The following PFKFB3 variants were observed in gnomAD, a reference collection of about 807,000 sequenced individuals.
PFKFB3 encodes 6-phosphofructo-2-kinase/fructose-2,6-bisphosphatase 3.
In PFKFB3, 33 loss-of-function variants were observed where a neutral mutation model predicts 68.0. The ratio of observed to expected loss-of-function variants is 0.49; its 90% confidence interval spans 0.37 to 0.65. The LOEUF (loss-of-function observed/expected upper bound fraction) is 0.65, where lower values mean the gene tolerates loss of function less well. Ranked by LOEUF, PFKFB3 falls within the 30% of genes least tolerant of loss-of-function variation. The pLI, the probability that PFKFB3 is intolerant of heterozygous loss-of-function variation, is 0.00. For missense variants in PFKFB3, 586 were observed against 712.2 expected, an observed-to-expected ratio of 0.82 and a Z score of 2.02; for synonymous variants, 315 against 288.2, an observed-to-expected ratio of 1.09 and a Z score of -0.94.
intron 1 of PFKFB3, among the ~76,000 whole-genome samples, chr10:6,171,827 A>G (rs968500052): frequency 1.3e-5 from 2 of 152,266 alleles, no homozygotes; most frequent in Non-Finnish European, 2.9e-5. Context: ...AAGTTTGGAT[A>G]TCTCAGCTCA....
At chr10:6,177,429 CTTT>C (rs368351485) in intron 1 of PFKFB3, among the ~76,000 whole-genome samples, 332 of 51,022 alleles carry the variant, frequency 6.5e-3, no homozygotes, top group East Asian at 0.029. Flanking sequence ...TTCTTCCTTT[CTTT>C]TCTTTCTCTT....
At chr10:6,178,096 G>C (rs550735554) in intron 1 of PFKFB3, among the ~76,000 whole-genome samples, 5 of 152,342 alleles carry the variant, frequency 3.3e-5, no homozygotes, top group African/African-American at 1.2e-4. Context: ...GGCTGCAAGT[G>C]TTGGTTTGGC....
chr10:6,266,341 C>T, the PFKFB3 span, among the ~76,000 whole-genome samples: 7,383 of 152,236 alleles, frequency 0.048, 269 homozygotes, highest in African/African-American at 0.092. Context: ...CTCCTGTATC[C>T]TTCGGCATGC....
rs1564643282 is a variant in PFKFB3, at chr10:6,228,225, A to G, written c.1515+1860A>G. 2 of 1,612,638 alleles carry G rather than the reference A, an allele frequency of 1.2e-6. No homozygotes were observed. Among genetic ancestry groups the G allele is most frequent in the Non-Finnish European group, 1.7e-6 (2 of 1,179,822 alleles). The stretch of plus-strand genomic sequence containing the variant: ...TGCTAGGGCAAGCCTGTCTGTAAGT[A>G]TCTCTCCGATCATCGCTGCTGCTTG... On this transcript the variant is annotated intron_variant, in intron 14 of 14. Coordinates refer to ENST00000379775, the MANE Select transcript of PFKFB3 (RefSeq NM_004566.4). This position sits in a 1 kb window ranked among gnomAD's most constrained non-coding sequence, Gnocchi z 4.5.
the PFKFB3 span, among the ~76,000 whole-genome samples, chr10:6,324,005 T>C: frequency 6.6e-6 from 1 of 152,196 alleles, no homozygotes; most frequent in East Asian, 1.9e-4. Flanking sequence ...AAGGCACTTG[T>C]ACACCCACAT....
chr10:6,306,759 C>T, the PFKFB3 span, among the ~76,000 whole-genome samples: 3 of 152,178 alleles, frequency 2.0e-5, no homozygotes, highest in Non-Finnish European at 4.4e-5. Context: ...GTCTCAGGGA[C>T]CTGCCAAAGA....
At chr10:6,180,734 G>A (rs1271207911) in intron 1 of PFKFB3, among the ~76,000 whole-genome samples, 3 of 152,152 alleles carry the variant, frequency 2.0e-5, no homozygotes, top group African/African-American at 7.2e-5. Flanking sequence ...AAAGTGCTGA[G>A]ATTACAGGTG....
At chr10:6,318,902 T>C in the PFKFB3 span, among the ~76,000 whole-genome samples, 2 of 152,176 alleles carry the variant, frequency 1.3e-5, no homozygotes, top group Non-Finnish European at 2.9e-5. Context: ...TCCAGGCTGC[T>C]TCCATGGGTT....
intron 1 of PFKFB3, among the ~76,000 whole-genome samples, chr10:6,174,718 C>T (rs1183162041): frequency 2.6e-5 from 4 of 152,330 alleles, no homozygotes; most frequent in South Asian, 4.1e-4. Flanking sequence ...CTGTGATCTC[C>T]GTGCAGCCCT....
At chr10:6,291,809 T>C in the PFKFB3 span, among the ~76,000 whole-genome samples, 1 of 152,172 alleles carries the variant, frequency 6.6e-6, no homozygotes, top group African/African-American at 2.4e-5. Flanking sequence ...ATTTCAGCTT[T>C]TAGTCTGGAT....
the PFKFB3 span, among the ~76,000 whole-genome samples, chr10:6,284,242 T>A: frequency 6.6e-6 from 1 of 152,240 alleles, no homozygotes; most frequent in Non-Finnish European, 1.5e-5. Context: ...TCTTACTGAT[T>A]TTCTGCCTGC....
chr10:6,242,199 C>T (rs1338266210), intron 14 of PFKFB3, among the ~76,000 whole-genome samples: 1 of 152,160 alleles, frequency 6.6e-6, no homozygotes, highest in Non-Finnish European at 1.5e-5. Flanking sequence ...GTAATTCTTT[C>T]ATAAGGAAAA....
intron 1 of PFKFB3, among the ~76,000 whole-genome samples, chr10:6,160,718 CAAAAAAAAAAAAA>C (rs538580465): frequency 3.8e-5 from 3 of 78,684 alleles, no homozygotes; most frequent in Non-Finnish European, 6.8e-5. Flanking sequence ...GACTCTGTCT[CAAAAAAAAAAAAA>C]AAAAAAAAGA....
chr10:6,206,891 C>A, intron 1 of PFKFB3, among the ~76,000 whole-genome samples: 4 of 135,016 alleles, frequency 3.0e-5, no homozygotes, highest in African/African-American at 1.1e-4. Context: ...GGCAGCCAGG[C>A]AGAGGGGCTC....
the PFKFB3 span, chr10:6,293,793 C>T: frequency 2.6e-6 from 1 of 383,396 alleles, no homozygotes; most frequent in Non-Finnish European, 5.3e-6. Context: ...TATCTGAGCT[C>T]CAGCCTGCAC....
chr10:6,276,165 A>G, the PFKFB3 span, among the ~76,000 whole-genome samples: 1 of 152,186 alleles, frequency 6.6e-6, no homozygotes, highest in Admixed American at 6.6e-5. Context: ...GCCAAATGCT[A>G]TCTTTATTTT....
chr10:6,224,880 A>G lies in PFKFB3; in HGVS notation c.1341+667A>G, dbSNP rs1293875100. ...TTTCAGTTTCCAGAGTTACTGTTTC[A>G]AACAGGATCAGCAGGTCAGCGCCGC... On this transcript the variant is annotated intron_variant, in intron 13 of 14. Transcript: ENST00000379775. Among the ~76,000 whole-genome samples, 4 of 151,982 alleles carry G rather than the reference A, an allele frequency of 2.6e-5. No homozygotes were observed. In the South Asian group the frequency reaches 6.2e-4, roughly 24 times the overall value.
At position 6,228,988 on chromosome 10, in the gene PFKFB3, C is replaced by A. The variant is rs565411971; in HGVS notation, c.1515+2623C>A. 4 of 436,326 alleles carry A rather than the reference C, an allele frequency of 9.2e-6. No homozygotes were observed. The highest frequency in any genetic ancestry group is 3.4e-5 in the South Asian group (2 of 58,276). 27.0% of individuals were successfully genotyped at this position (436,326 alleles called of 1,614,324 possible). A position where few individuals can be genotyped will look rare whatever the true frequency, so the allele number is the denominator to read the frequency against. ...ATCCCTTCCCCACCAGGAGCAGAGG[C>A]CTTCCTGCCACAGAACTTTAATGAC... On this transcript the variant is annotated intron_variant, in intron 14 of 14. Transcript: ENST00000379775. This position sits in a 1 kb window ranked among gnomAD's most constrained non-coding sequence, Gnocchi z 4.5.
At chr10:6,218,866 G>A (rs944413242) in intron 6 of PFKFB3, among the ~76,000 whole-genome samples, 2 of 152,204 alleles carry the variant, frequency 1.3e-5, no homozygotes, top group African/African-American at 2.4e-5. Flanking sequence ...CACAGCTCCC[G>A]ACTGACTCGA....
Sources: gnomAD v4.1 joint callset for allele counts (sites outside exome capture counted in the v4.1 genomes callset) on GRCh38, gnomAD v4.1.1 for gene constraint, Gnocchi (gnomAD v3.1) non-coding constraint, MANE v1.5 for transcripts, NCBI Gene and HGNC (gene_info 2026-07-23, HGNC 2026-07-21) for gene names.